GNB5: variants seen among roughly 807,000 people sequenced by gnomAD.
The protein encoded by GNB5 is guanine nucleotide-binding protein subunit beta-5.
Under a neutral mutation model 55.3 loss-of-function variants are expected in GNB5, and 37 were observed. That is an observed-to-expected ratio of 0.67 (90% CI 0.51 to 0.88). The LOEUF (loss-of-function observed/expected upper bound fraction) is 0.88. Among genes scored for constraint, GNB5 ranks in the 40% least tolerant of loss-of-function variants. GNB5 has a pLI of 0.00. For synonymous variants in GNB5, 219 were observed against 198.5 expected, an observed-to-expected ratio of 1.10 and a Z score of -0.87; for missense variants, 476 against 515.3, an observed-to-expected ratio of 0.92 and a Z score of 0.74.
chr15:52,135,807 CG>C, intron 7 of GNB5, 51 bp from the exon 8 acceptor site: 4 of 1,590,522 alleles, frequency 2.5e-6, no homozygotes, highest in Non-Finnish European at 1.7e-6. Context: ...TTGCTTATGC[CG>C]GGGGCAGTCA....
chr15:52,140,701 G>A (rs1283248887), intron 7 of GNB5, among the ~76,000 whole-genome samples: 6 of 152,208 alleles, frequency 3.9e-5, no homozygotes, highest in Non-Finnish European at 5.9e-5. Flanking sequence ...TTAAAGTAGA[G>A]CAAAGATTTA....
intron 3 of GNB5, among the ~76,000 whole-genome samples, chr15:52,156,562 T>C (rs2034211313): frequency 6.6e-6 from 1 of 152,210 alleles, no homozygotes; most frequent in Non-Finnish European, 1.5e-5. Context: ...TGAAACCGTC[T>C]CTACCAAAAA....
chr15:52,160,450 G>C (rs571741349), intron 3 of GNB5, among the ~76,000 whole-genome samples: 2 of 152,266 alleles, frequency 1.3e-5, no homozygotes, highest in East Asian at 3.9e-4. Context: ...AACATGACCC[G>C]GAGAGCAACG....
intron 4 of GNB5, among the ~76,000 whole-genome samples, chr15:52,150,541 C>T (rs1448073712): frequency 1.3e-5 from 2 of 152,190 alleles, no homozygotes; most frequent in Non-Finnish European, 2.9e-5. Context: ...ACATTTCACA[C>T]CTACACTGAG....
rs977627428 is a variant in GNB5 at position 52,117,102 on chromosome 15, A to ATTTTTT, written c.*5649_*5654dup. On this transcript the variant is annotated 3_prime_UTR_variant, in exon 13 of 13. Transcript: ENST00000261837. ...CCACGCCCAGCTAATATATATATAT[A>ATTTTTT]TTTTTTTTTAGTACAGACAGGGTTT... 2 of 87,102 alleles carry ATTTTTT rather than the reference A, an allele frequency of 2.3e-5. 1 individual carries two copies. The highest frequency in any genetic ancestry group is 2.5e-4 in the Admixed American group (2 of 8,092). The allele number at this position is 87,102 out of a possible 1,614,324, so 5.4% of individuals were successfully genotyped here. A position where few individuals can be genotyped will look rare whatever the true frequency, so the allele number is the denominator to read the frequency against.
rs1555405462 is a variant in GNB5 at position 52,136,172 on chromosome 15, A to ACC, written c.628-418_628-417dup. Among the ~76,000 whole-genome samples the ACC allele has an allele frequency of 4.9e-3, 486 of 100,096 alleles. 36 individuals carry two copies. Among genetic ancestry groups the ACC allele is most frequent in the African/African-American group, 0.016 (375 of 22,768 alleles). The allele number at this position is 100,096 out of a possible 152,430, so 65.7% of individuals were successfully genotyped here. On this transcript the variant is annotated intron_variant, in intron 7 of 12. Coordinates refer to ENST00000261837, the MANE Select transcript of GNB5 (RefSeq NM_016194.4). ...CACACACACACACACACACACACAC[A>ACC]CCCTACCTGCTGTATCTGGGTTCAT... is the stretch of plus-strand genomic sequence containing the variant.
At chr15:52,126,171 T>C in intron 10 of GNB5, 127 bp from the exon 11 acceptor site, 1 of 599,326 alleles carries the variant, frequency 1.7e-6, no homozygotes, top group Non-Finnish European at 3.0e-6. Context: ...CTTCTTAGTT[T>C]TCCCTACTGT....
intron 9 of GNB5, among the ~76,000 whole-genome samples, chr15:52,132,059 A>G (rs895467975): frequency 1.3e-5 from 2 of 152,180 alleles, no homozygotes; most frequent in African/African-American, 2.4e-5. Context: ...GCTGCCCTCG[A>G]TAAAAGATGT....
At chr15:52,132,718 C>A (rs1642655555) in intron 9 of GNB5, among the ~76,000 whole-genome samples, 1 of 150,996 alleles carries the variant, frequency 6.6e-6, no homozygotes, top group Admixed American at 6.6e-5. Context: ...AGCAATCTGC[C>A]CGCCTCAGCT....
At chr15:52,172,138 ATTTTTT>A (rs989436808) in intron 3 of GNB5, among the ~76,000 whole-genome samples, 1 of 151,544 alleles carries the variant, frequency 6.6e-6, no homozygotes, top group African/African-American at 2.4e-5. Context: ...TTCTCTTTTT[ATTTTTT>A]ATTTTTTGAG....
intron 2 of GNB5, among the ~76,000 whole-genome samples, chr15:52,181,880 A>G (rs192757178): frequency 3.0e-4 from 46 of 151,954 alleles, no homozygotes; most frequent in African/African-American, 1.1e-3. Flanking sequence ...TGTATAAACT[A>G]TGTTAAAAAT....
At chr15:52,173,222 T>G (rs939639522) in intron 3 of GNB5, among the ~76,000 whole-genome samples, 1 of 152,064 alleles carries the variant, frequency 6.6e-6, no homozygotes, top group Non-Finnish European at 1.5e-5. Context: ...GAAAGGGAGC[T>G]GAAATTGTAG....
intron 3 of GNB5, among the ~76,000 whole-genome samples, chr15:52,157,378 T>C (rs1022176078): frequency 1.3e-5 from 2 of 151,570 alleles, no homozygotes; most frequent in African/African-American, 2.4e-5. Flanking sequence ...TCCAGAGTAG[T>C]TGGGATTACA....
At position 52,141,465 on chromosome 15, in the gene GNB5, G is replaced by C. The variant is rs1419445576; in HGVS notation, c.495-193C>G. On this transcript the variant is annotated intron_variant, in intron 6 of 12. Transcript: ENST00000261837. ...TTTTTTTAAATAGAGACAGGGTCTT[G>C]CTCTGTTGGCCAGGTTGGTCTTGAA... Among the ~76,000 whole-genome samples, 3 of 146,358 alleles carry C rather than the reference G, an allele frequency of 2.0e-5. 1 individual carries two copies. In the East Asian group the frequency reaches 5.9e-4, roughly 29 times the overall value.
chr15:52,167,703 C>G (rs1020322417), intron 3 of GNB5, among the ~76,000 whole-genome samples: 1 of 151,654 alleles, frequency 6.6e-6, no homozygotes, highest in East Asian at 1.9e-4. Flanking sequence ...AAGAAAACTT[C>G]AGGCCAATAT....
intron 3 of GNB5, among the ~76,000 whole-genome samples, chr15:52,156,765 CA>C (rs1201701951): frequency 2.6e-5 from 4 of 152,174 alleles, no homozygotes; most frequent in African/African-American, 7.2e-5. Flanking sequence ...ACAAACAAAA[CA>C]AAAACCTTGC....
chr15:52,170,956 T>C (rs34283892), intron 3 of GNB5, among the ~76,000 whole-genome samples: 28,532 of 151,396 alleles, frequency 0.19, 2,869 homozygotes, highest in Admixed American at 0.3. Flanking sequence ...TAGCCAGGCA[T>C]GGTGGTGTGC....
At chr15:52,184,775 C>G (rs1357429799) in intron 1 of GNB5, 81 bp from the exon 2 acceptor site, 2 of 1,177,446 alleles carry the variant, frequency 1.7e-6, no homozygotes, top group African/African-American at 3.1e-5. Flanking sequence ...TTGCTTGTAC[C>G]GTGGTAGCTA....
intron 12 of GNB5, 123 bp from the exon 13 acceptor site, chr15:52,122,891 C>CACAA (rs1480019096): frequency 2.2e-6 from 1 of 463,188 alleles, no homozygotes; most frequent in African/African-American, 1.9e-5. Context: ...TGTGTGTGTA[C>CACAA]ACACACACAC....
Sources: allele counts gnomAD v4.1 joint callset (sites outside exome capture counted in the v4.1 genomes callset), GRCh38; gene constraint gnomAD v4.1.1; transcripts MANE v1.5; gene names NCBI Gene and HGNC (gene_info 2026-07-23, HGNC 2026-07-21).